COG4: variants seen among roughly 807,000 people sequenced by gnomAD.
The protein encoded by COG4 is component of oligomeric golgi complex 4.
COG4 carries 65 observed loss-of-function variants against 95.1 expected under a neutral mutation model. The ratio of observed to expected loss-of-function variants is 0.68; its 90% confidence interval spans 0.56 to 0.84. COG4 has a LOEUF of 0.84. Among genes scored for constraint, COG4 ranks in the 40% least tolerant of loss-of-function variants. COG4 has a pLI of 0.00. For synonymous variants in COG4, 421 were observed against 374.8 expected (o/e 1.12, Z -1.42); for missense variants, 1,045 against 989.1 (o/e 1.06, Z -0.76).
chr16:70,498,092 TC>T, intron 9 of COG4, 37 bp from the exon 10 acceptor site: 1 of 1,386,240 alleles, frequency 7.2e-7, no homozygotes, highest in Non-Finnish European at 1.0e-6. Context: ...TCATTTTTTT[TC>T]CCCAAGGGAA....
intron 9 of COG4, 93 bp from the exon 10 acceptor site, chr16:70,498,148 C>T (rs2049378779): frequency 1.3e-6 from 1 of 771,772 alleles, no homozygotes; most frequent in East Asian, 2.5e-5. Context: ...TATAGTCTTT[C>T]TTTGAAATAT....
intron 2 of COG4, 115 bp downstream of exon 2, chr16:70,519,534 C>A (rs960666916): frequency 1.1e-5 from 8 of 747,856 alleles, no homozygotes; most frequent in Non-Finnish European, 1.7e-5. Context: ...TGAGATAATA[C>A]CCTTTACATT....
intron 12 of COG4, among the ~76,000 whole-genome samples, chr16:70,493,264 T>C (rs566458018): frequency 2.0e-5 from 3 of 152,180 alleles, no homozygotes; most frequent in African/African-American, 7.2e-5. Flanking sequence ...TCTAGCCTGT[T>C]TTCTTCACCA....
intron 1 of COG4, among the ~76,000 whole-genome samples, chr16:70,522,445 T>C (rs1364614660): frequency 6.6e-6 from 1 of 152,170 alleles, no homozygotes; most frequent in East Asian, 1.9e-4. Flanking sequence ...AGAGCGGCCC[T>C]GTTTCTAAAA....
rs962417925 is a variant in COG4 at position 70,480,797 on chromosome 16, C to G, written c.*213G>C. The stretch of plus-strand genomic sequence containing the variant: ...CACCTCATTAGGAGCCCGCTTCTCT[C>G]GGTGGGGAGATGCTGCCCCCAGAGC... On this transcript the variant is annotated 3_prime_UTR_variant, in exon 19 of 19. Transcript: ENST00000323786. 2.0e-5 allele frequency: 12 copies of G among 597,694 alleles called. No homozygotes were observed. The highest frequency in any genetic ancestry group is 3.2e-5 in the Non-Finnish European group (11 of 339,576). 37.0% of individuals were successfully genotyped at this position (597,694 alleles called of 1,614,324 possible).
chr16:70,483,991 A>G lies in COG4; in HGVS notation c.1711-22T>C, dbSNP rs765414020. ...CACTCTAGGGGAGAACACTGCTGTA[A>G]GACCACCGAGCACGCGTGGGCCATG... On this transcript the variant is annotated intron_variant, in intron 13 of 18. Transcript: ENST00000323786. 2 of 1,563,226 alleles carry G rather than the reference A, an allele frequency of 1.3e-6. No homozygotes were observed. The highest frequency in any genetic ancestry group is 4.5e-5 in the East Asian group (2 of 44,648).
At chr16:70,516,437 C>T (rs1380899642) in intron 3 of COG4, among the ~76,000 whole-genome samples, 1 of 152,008 alleles carries the variant, frequency 6.6e-6, no homozygotes, top group Admixed American at 6.6e-5. Context: ...GCTGGGACTA[C>T]AGGAGCCTGT....
chr16:70,499,778 G>A (rs564457921), intron 9 of COG4, among the ~76,000 whole-genome samples: 1 of 152,132 alleles, frequency 6.6e-6, no homozygotes, highest in South Asian at 2.1e-4. Flanking sequence ...TCCTGCCTCA[G>A]CCTCCAGAGT....
At chr16:70,515,769 T>A (rs112612778) in intron 3 of COG4, 2 of 294,734 alleles carry the variant, frequency 6.8e-6, no homozygotes, top group Non-Finnish European at 1.3e-5. Flanking sequence ...CCTTGTCTTG[T>A]TCCTCATCTT....
chr16:70,505,518 G>A (rs2049545560), intron 8 of COG4, among the ~76,000 whole-genome samples: 2 of 149,828 alleles, frequency 1.3e-5, no homozygotes, highest in Admixed American at 1.3e-4. Flanking sequence ...CTTCTAAGAA[G>A]CACATGTTAT....
intron 9 of COG4, among the ~76,000 whole-genome samples, chr16:70,499,972 TA>T (rs1375478189): frequency 2.0e-5 from 3 of 151,962 alleles, no homozygotes; most frequent in African/African-American, 7.2e-5. Context: ...AAAATTTTTT[TA>T]AATGTTTATC....
In COG4 at chr16:70,501,051, C is replaced by A; in HGVS notation, c.1102G>T (p.Ala368Ser). Reference protein sequence around the residue: ...PILTEVTLMNARSELYLRFLK... With the variant: ...PILTEVTLMNSRSELYLRFLK... Reference sequence around the variant, plus strand: ...AAGCGTAAGTATAGCTCACTGCGGGCATTCATCAGGGTGACCTCAGTCAGG... The same window carrying A: ...AAGCGTAAGTATAGCTCACTGCGGGAATTCATCAGGGTGACCTCAGTCAGG... The change falls in exon 9 of 19, where the codon GCC (alanine) becomes TCC (serine). Residue 368 changes from alanine (A) to serine (S), a missense_variant. By Grantham distance (99) the Ala-to-Ser change is moderately conservative (BLOSUM62 1). Coordinates refer to ENST00000323786, the MANE Select transcript of COG4 (RefSeq NM_015386.3). 1 of 1,613,958 alleles carries A rather than the reference C, an allele frequency of 6.2e-7. No individual in the cohort carries two copies. Among genetic ancestry groups the A allele is most frequent in the Non-Finnish European group, 8.5e-7 (1 of 1,180,012 alleles).
At chr16:70,517,089 G>A (rs879751623) in intron 3 of COG4, among the ~76,000 whole-genome samples, 5 of 151,944 alleles carry the variant, frequency 3.3e-5, no homozygotes, top group African/African-American at 4.8e-5. Flanking sequence ...TGTAGAGATG[G>A]GGTTTTCCCA....
At chr16:70,496,762 A>G (rs554999582) in intron 11 of COG4, among the ~76,000 whole-genome samples, 2 of 152,250 alleles carry the variant, frequency 1.3e-5, no homozygotes, top group African/African-American at 4.8e-5. Flanking sequence ...GTTTTGAGTC[A>G]CTCAGTTCTG....
At chr16:70,505,079 G>A (rs949776178) in intron 8 of COG4, among the ~76,000 whole-genome samples, 7 of 151,948 alleles carry the variant, frequency 4.6e-5, no homozygotes, top group East Asian at 1.9e-4. Context: ...TAGATGCCAC[G>A]AAGAAAAAAT....
chr16:70,510,857 C>T (rs2049688966), intron 5 of COG4, among the ~76,000 whole-genome samples: 2 of 151,720 alleles, frequency 1.3e-5, no homozygotes, highest in African/African-American at 4.8e-5. Context: ...TCTGCCTCCC[C>T]GGCTCAAGCG....
intron 1 of COG4, among the ~76,000 whole-genome samples, chr16:70,520,027 C>T (rs1187824731): frequency 1.3e-5 from 2 of 152,168 alleles, no homozygotes; most frequent in East Asian, 3.8e-4. Flanking sequence ...AATGCCTGGC[C>T]AGCACTGGAT....
At chr16:70,505,365 T>G (rs1026797777) in intron 8 of COG4, among the ~76,000 whole-genome samples, 2 of 150,416 alleles carry the variant, frequency 1.3e-5, no homozygotes, top group Non-Finnish European at 3.0e-5. Context: ...ACCCAGCTAA[T>G]TTTTTGTATT....
chr16:70,506,384 C>T (rs1239450213), intron 8 of COG4, among the ~76,000 whole-genome samples: 1 of 151,336 alleles, frequency 6.6e-6, no homozygotes, highest in Non-Finnish European at 1.5e-5. Context: ...GCCTGGGTGA[C>T]AGAGCGAGAC....
Sources: gnomAD v4.1 joint callset for allele counts (sites outside exome capture counted in the v4.1 genomes callset) on GRCh38, gnomAD v4.1.1 for gene constraint, MANE v1.5 for transcripts, NCBI Gene and HGNC (gene_info 2026-07-23, HGNC 2026-07-21) for gene names.